Variants in KCNIP1 observed in about 807,000 individuals in gnomAD.
KCNIP1 encodes A-type potassium channel modulatory protein KCNIP1.
Under a neutral mutation model 33.0 loss-of-function variants are expected in KCNIP1, and 18 were observed. The observed-to-expected ratio is 0.55, with a 90% CI of 0.38 to 0.81. The LOEUF (loss-of-function observed/expected upper bound fraction) is 0.81, where lower values mean the gene tolerates loss of function less well. Among genes scored for constraint, KCNIP1 ranks in the 30% least tolerant of loss-of-function variants. The pLI is 0.00. For missense variants in KCNIP1, 238 were observed against 271.6 expected, an observed-to-expected ratio of 0.88 and a Z score of 0.87; for synonymous variants, 93 against 98.3, an observed-to-expected ratio of 0.95 and a Z score of 0.32.
Position 170,557,254 on chromosome 5 carries a change from C to T in KCNIP1, c.61+52621C>T, listed in dbSNP as rs4867977. On this transcript the variant is annotated intron_variant, in intron 1 of 7. Coordinates refer to ENST00000328939, the MANE Select transcript of KCNIP1 (RefSeq NM_014592.4). The stretch of plus-strand genomic sequence containing the variant: ...ATTCATGCATTTAAAGGACTTGGCA[C>T]ATGGTGAGTGCTCAGACATGTTAGC... Among the ~76,000 whole-genome samples, 1,112 of 152,320 alleles carry T rather than the reference C, an allele frequency of 7.3e-3. 25 individuals are homozygous for T. The highest frequency in any genetic ancestry group is 0.052 in the Admixed American group (792 of 15,298).
chr5:170,683,834 C>T (rs1202492524), intron 1 of KCNIP1, among the ~76,000 whole-genome samples: 1 of 151,876 alleles, frequency 6.6e-6, no homozygotes, highest in East Asian at 1.9e-4. Flanking sequence ...AGCGATTCTC[C>T]TCACTCAGCA....
intron 1 of KCNIP1, among the ~76,000 whole-genome samples, chr5:170,609,438 C>T (rs943240017): frequency 2.0e-5 from 3 of 152,120 alleles, no homozygotes; most frequent in Non-Finnish European, 2.9e-5. Context: ...GAGTGTGACG[C>T]TCATGTTAGC....
intron 1 of KCNIP1, among the ~76,000 whole-genome samples, chr5:170,506,056 T>C (rs1192359736): frequency 6.6e-6 from 1 of 152,166 alleles, no homozygotes; most frequent in Non-Finnish European, 1.5e-5. Flanking sequence ...GCGCCAAATA[T>C]AGGTCTTCTC....
intron 1 of KCNIP1, among the ~76,000 whole-genome samples, chr5:170,558,838 T>C (rs1581324031): frequency 6.6e-6 from 1 of 152,344 alleles, no homozygotes; most frequent in East Asian, 1.9e-4. Flanking sequence ...ACCCCAGAGT[T>C]GTTTAAAACC....
chr5:170,630,345 A>G (rs1760009182), intron 1 of KCNIP1, among the ~76,000 whole-genome samples: 1 of 152,242 alleles, frequency 6.6e-6, no homozygotes, highest in Non-Finnish European at 1.5e-5. Context: ...CTCCAGCAAC[A>G]TGCATTCATT....
chr5:170,364,681 A>G (rs1228346695), intron 1 of KCNIP1, among the ~76,000 whole-genome samples: 2 of 152,044 alleles, frequency 1.3e-5, no homozygotes, highest in Admixed American at 6.5e-5. Flanking sequence ...CTCCCCCAAC[A>G]CATTGCCTAA....
chr5:170,474,892 G>T (rs143827412), intron 1 of KCNIP1, among the ~76,000 whole-genome samples: 28 of 152,292 alleles, frequency 1.8e-4, no homozygotes, highest in African/African-American at 6.5e-4. Flanking sequence ...ACCCCCCACC[G>T]CGTAGAAGGG....
chr5:170,677,215 T>C (rs1388066812), intron 1 of KCNIP1, among the ~76,000 whole-genome samples: 2 of 152,228 alleles, frequency 1.3e-5, no homozygotes, highest in Non-Finnish European at 2.9e-5. Flanking sequence ...GTCTCTGTTT[T>C]ACAGGTGAGA....
rs529472231 is a variant in KCNIP1 at position 170,622,645 on chromosome 5, G to A, written c.62-96113G>A. On this transcript the variant is annotated intron_variant, in intron 1 of 7. Coordinates refer to ENST00000328939, the MANE Select transcript of KCNIP1 (RefSeq NM_014592.4). ...CTCAAAAAAAAAAAAAAAAAGAGTG[G>A]ATACAGAGAGGCAGTGAAGAAGGCT... 1.1e-4 allele frequency among the ~76,000 whole-genome samples: 16 copies of A among 151,120 alleles called. No homozygotes were observed. The East Asian group carries it at 2.9e-3, about 28-fold the overall frequency.
In KCNIP1 at chr5:170,469,022, C is replaced by A. The variant is rs117963802; in HGVS notation, c.88+115058C>A. ...TGCCCAGAAATGTTATTTGCATAAGCATAGAATCTCTCCCCAGCCCCATTT... is the reference window on the plus strand; with the variant it reads ...TGCCCAGAAATGTTATTTGCATAAGAATAGAATCTCTCCCCAGCCCCATTT... On this transcript the variant is annotated intron_variant, in intron 1 of 7. Coordinates refer to the KCNIP1 transcript ENST00000377360. Among the ~76,000 whole-genome samples, 425 of 152,266 alleles carry A rather than the reference C, an allele frequency of 2.8e-3. 10 individuals are homozygous for A. In the East Asian group the frequency reaches 0.076, roughly 27 times the overall value.
At chr5:170,360,777 C>T (rs935460394) in intron 1 of KCNIP1, among the ~76,000 whole-genome samples, 5 of 152,218 alleles carry the variant, frequency 3.3e-5, no homozygotes, top group Non-Finnish European at 7.3e-5. Flanking sequence ...GCGTTCACCA[C>T]GTTCACCACG....
chr5:170,633,258 G>A (rs1455005885), intron 1 of KCNIP1, among the ~76,000 whole-genome samples: 2 of 152,100 alleles, frequency 1.3e-5, no homozygotes, highest in Non-Finnish European at 2.9e-5. Flanking sequence ...CGCTGGTCAG[G>A]GGAGGAGGGG....
At position 170,611,931 on chromosome 5, in the gene KCNIP1, G is replaced by A. The variant is rs181290487; in HGVS notation, c.62-106827G>A. On this transcript the variant is annotated intron_variant, in intron 1 of 7. Coordinates refer to ENST00000328939, the MANE Select transcript of KCNIP1 (RefSeq NM_014592.4). ...CTGTTAATATATATTAACTGAACAC[G>A]AGCCAGGCACTGGCCTAGGTGCTGA... 8.7e-3 allele frequency among the ~76,000 whole-genome samples: 1,324 copies of A among 152,302 alleles called. 7 individuals carry two copies. The highest frequency in any genetic ancestry group is 0.015 in the Non-Finnish European group (1,007 of 68,032).
intron 1 of KCNIP1, among the ~76,000 whole-genome samples, chr5:170,355,979 G>A (rs775909925): frequency 3.9e-5 from 6 of 152,190 alleles, no homozygotes; most frequent in Admixed American, 6.5e-5. Flanking sequence ...CCGGCTCTGC[G>A]CCAGGCACGT....
intron 1 of KCNIP1, among the ~76,000 whole-genome samples, chr5:170,497,278 C>T (rs147335231): frequency 6.0e-4 from 92 of 152,300 alleles, no homozygotes; most frequent in South Asian, 4.4e-3. Context: ...CACTAAAGCA[C>T]TTAAATGCTT....
intron 5 of KCNIP1, 91 bp from the exon 6 acceptor site, chr5:170,732,709 C>T: frequency 2.5e-6 from 2 of 789,678 alleles, no homozygotes; most frequent in South Asian, 1.6e-5. Flanking sequence ...ACTTTCATTG[C>T]CAAGGGGCAC....
At chr5:170,627,737 T>C (rs10077873) in intron 1 of KCNIP1, among the ~76,000 whole-genome samples, 77,356 of 152,084 alleles carry the variant, frequency 0.51, 20,704 homozygotes, top group East Asian at 0.67. Flanking sequence ...GGCTGAGGCT[T>C]GTAGGAGCCA....
At chr5:170,672,022 C>T (rs1398352357) in intron 1 of KCNIP1, among the ~76,000 whole-genome samples, 2 of 152,190 alleles carry the variant, frequency 1.3e-5, no homozygotes, top group African/African-American at 4.8e-5. Context: ...TTCTATTCCT[C>T]ACTGGAGGCT....
intron 1 of KCNIP1, among the ~76,000 whole-genome samples, chr5:170,614,817 C>A (rs373998433): frequency 2.0e-5 from 3 of 152,356 alleles, no homozygotes; most frequent in African/African-American, 7.2e-5. Flanking sequence ...ACATTACCAT[C>A]TTTATGTATT....
Sources: gnomAD v4.1 joint callset for allele counts (sites outside exome capture counted in the v4.1 genomes callset) on GRCh38, gnomAD v4.1.1 for gene constraint, MANE v1.5 for transcripts, NCBI Gene and HGNC (gene_info 2026-07-23, HGNC 2026-07-21) for gene names.